HS2ST1: variants seen among roughly 807,000 people sequenced by gnomAD.
HS2ST1 encodes 2-O-sulfotransferase.
Under a neutral mutation model 42.9 loss-of-function variants are expected in HS2ST1, and 18 were observed. The observed-to-expected ratio is 0.42, with a 90% confidence interval of 0.29 to 0.62. The LOEUF (loss-of-function observed/expected upper bound fraction) is 0.62, where lower values mean the gene tolerates loss of function less well. Ranked by LOEUF, HS2ST1 falls within the 20% of genes least tolerant of loss-of-function variation. HS2ST1 has a pLI of 0.21. For synonymous variants in HS2ST1, 146 were observed against 152.9 expected, an observed-to-expected ratio of 0.95 and a Z score of 0.33; for missense variants, 334 against 433.8, an observed-to-expected ratio of 0.77 and a Z score of 2.04.
intron 1 of HS2ST1, among the ~76,000 whole-genome samples, chr1:86,973,628 C>A (rs1057115293): frequency 4.9e-4 from 74 of 152,224 alleles, no homozygotes; most frequent in African/African-American, 1.7e-3. Context: ...GGGAAGTTGA[C>A]CCAAAGGGAG....
At chr1:86,921,444 C>T (rs1660297541) in intron 1 of HS2ST1, among the ~76,000 whole-genome samples, 1 of 152,054 alleles carries the variant, frequency 6.6e-6, no homozygotes, top group Non-Finnish European at 1.5e-5. Flanking sequence ...AAACCTACTG[C>T]TGTGGTGTTA....
chr1:87,047,245 T>G (rs937604713), intron 1 of HS2ST1, among the ~76,000 whole-genome samples: 1 of 152,204 alleles, frequency 6.6e-6, no homozygotes, highest in East Asian at 1.9e-4. Flanking sequence ...ATCTCTTTTT[T>G]GGGGAAGTGT....
At chr1:87,091,956 A>C (rs1651957191) in intron 3 of HS2ST1, among the ~76,000 whole-genome samples, 1 of 152,046 alleles carries the variant, frequency 6.6e-6, no homozygotes, top group African/African-American at 2.4e-5. Context: ...ACATGTTCAC[A>C]CTTGTGTTCA....
intron 1 of HS2ST1, among the ~76,000 whole-genome samples, chr1:86,922,752 C>G (rs557451666): frequency 1.3e-5 from 2 of 152,060 alleles, no homozygotes; most frequent in African/African-American, 4.8e-5. Context: ...CTTTTGCCTA[C>G]TTTTAAGAGT....
chr1:86,970,220 A>G (rs949499417), intron 1 of HS2ST1, among the ~76,000 whole-genome samples: 1 of 152,166 alleles, frequency 6.6e-6, no homozygotes, highest in East Asian at 1.9e-4. Flanking sequence ...CATCCTAACA[A>G]TGCACATTTT....
chr1:86,973,191 AT>A (rs1005786460), intron 1 of HS2ST1, among the ~76,000 whole-genome samples: 11 of 150,104 alleles, frequency 7.3e-5, no homozygotes, highest in Admixed American at 2.6e-4. Context: ...TTGTTCTTAA[AT>A]TTTTTTTTTA....
intron 1 of HS2ST1, among the ~76,000 whole-genome samples, chr1:86,974,307 A>G (rs543040487): frequency 1.4e-4 from 22 of 152,228 alleles, no homozygotes; most frequent in African/African-American, 5.1e-4. Flanking sequence ...GAATGCTAAA[A>G]ATTATTAAAC....
chr1:87,030,493 G>A (rs1650203921), intron 1 of HS2ST1, among the ~76,000 whole-genome samples: 1 of 151,800 alleles, frequency 6.6e-6, no homozygotes, highest in African/African-American at 2.4e-5. Flanking sequence ...GTGAGACCCT[G>A]TCTCATTCAT....
intron 1 of HS2ST1, among the ~76,000 whole-genome samples, chr1:87,005,351 G>A (rs950865890): frequency 6.6e-6 from 1 of 151,908 alleles, no homozygotes; most frequent in Non-Finnish European, 1.5e-5. Flanking sequence ...ACCTTTTTAA[G>A]CAAATAAAAT....
chr1:86,975,746 G>T (rs1044467724), intron 1 of HS2ST1, among the ~76,000 whole-genome samples: 2 of 152,062 alleles, frequency 1.3e-5, no homozygotes, highest in Non-Finnish European at 2.9e-5. Context: ...GTAACTGATG[G>T]CATTTAGTAA....
chr1:86,957,455 G>A (rs1647706651), intron 1 of HS2ST1, among the ~76,000 whole-genome samples: 1 of 152,198 alleles, frequency 6.6e-6, no homozygotes, highest in African/African-American at 2.4e-5. Flanking sequence ...ATTGCAACAT[G>A]TGATGTCTCA....
intron 1 of HS2ST1, among the ~76,000 whole-genome samples, chr1:86,935,902 C>G (rs569455411): frequency 3.2e-4 from 49 of 152,250 alleles, no homozygotes; most frequent in African/African-American, 1.2e-3. Flanking sequence ...GTATCCTTCA[C>G]CCAGTTTTCC....
At chr1:87,052,770 A>T (rs945131640) in intron 1 of HS2ST1, among the ~76,000 whole-genome samples, 4 of 152,204 alleles carry the variant, frequency 2.6e-5, no homozygotes, top group Non-Finnish European at 5.9e-5. Flanking sequence ...GATCTAAGGT[A>T]CATCTAAAAT....
Position 86,921,504 on chromosome 1 carries a change from G to C in HS2ST1, c.124+6344G>C, listed in dbSNP as rs141206284. ...TGGAAACTTAATCTCCGATGCAACA[G>C]TATTGGGGCGGGAGGTGGAGGGTGT... On this transcript the variant is annotated intron_variant, in intron 1 of 6. Transcript: ENST00000370550. Among the ~76,000 whole-genome samples, 75 of 152,238 alleles carry C rather than the reference G, an allele frequency of 4.9e-4. 2 individuals are homozygous for C. In the East Asian group the frequency reaches 0.014, roughly 28 times the overall value.
intron 1 of HS2ST1, among the ~76,000 whole-genome samples, chr1:86,991,246 AAC>A (rs1648944475): frequency 6.6e-6 from 1 of 152,140 alleles, no homozygotes; most frequent in African/African-American, 2.4e-5. Context: ...AGACGAATTT[AAC>A]AGAGTTTAAT....
chr1:87,029,491 G>A (rs887198158), intron 1 of HS2ST1, among the ~76,000 whole-genome samples: 2 of 152,140 alleles, frequency 1.3e-5, no homozygotes, highest in African/African-American at 2.4e-5. Context: ...AAAATGTAGT[G>A]AAGAAAACCA....
At position 87,000,577 on chromosome 1, in the gene HS2ST1, T is replaced by C. The variant is rs78663511; in HGVS notation, c.125-72357T>C. Among the ~76,000 whole-genome samples the C allele has an allele frequency of 8.7e-3, 1,319 of 152,260 alleles. 24 individuals are homozygous for C. The highest frequency in any genetic ancestry group is 0.03 in the African/African-American group (1,245 of 41,542). On this transcript the variant is annotated intron_variant, in intron 1 of 6. Transcript: ENST00000370550. ...TAGTTTTAACGCAAAAGACTTCCTG[T>C]TCCAAAAAAATGATCCAAAGAGTAG... is the stretch of plus-strand genomic sequence containing the variant.
At chr1:87,022,130 T>A (rs1406272222) in intron 1 of HS2ST1, among the ~76,000 whole-genome samples, 1 of 152,160 alleles carries the variant, frequency 6.6e-6, no homozygotes, top group African/African-American at 2.4e-5. Context: ...TATTTTAATT[T>A]GAAAAAAACA....
chr1:87,104,669 T>C lies in HS2ST1; in HGVS notation c.1044T>C (p.Tyr348=). 1 of 1,610,730 alleles carries C rather than the reference T, an allele frequency of 6.2e-7. No individual in the cohort carries two copies. The highest frequency in any genetic ancestry group is 8.5e-7 in the Non-Finnish European group (1 of 1,176,922). The change falls in exon 7 of 7, where the codon TAT becomes TAC. Residue 348 remains tyrosine, a synonymous_variant. Coordinates refer to ENST00000370550, the MANE Select transcript of HS2ST1 (RefSeq NM_012262.4). ...ACATCCTCGCACAAAACTTTTTCTA[T>C]GAAAAGATTTACCCTAAGTCGAACT... ...DLYILAQNFF[Y]EKIYPKSN
Sources: gnomAD v4.1 joint callset for allele counts (sites outside exome capture counted in the v4.1 genomes callset) on GRCh38, gnomAD v4.1.1 for gene constraint, MANE v1.5 for transcripts, NCBI Gene and HGNC (gene_info 2026-07-23, HGNC 2026-07-21) for gene names.